Variants in ARID1B observed in about 807,000 individuals in gnomAD.
ARID1B encodes AT-rich interaction domain 1B, also known as AT-rich interactive domain-containing protein 1B.
ARID1B carries 30 observed loss-of-function variants against 212.3 expected under a neutral mutation model. That is an observed-to-expected ratio of 0.14 (90% CI 0.11 to 0.19). ARID1B has a LOEUF of 0.19. Ranked by LOEUF, ARID1B falls within the 10% of genes least tolerant of loss-of-function variation. The pLI is 1.00. For missense variants in ARID1B, 2,891 were observed against 3,204.0 expected, an observed-to-expected ratio of 0.90 and a Z score of 2.36; for synonymous variants, 1,402 against 1,301.7, an observed-to-expected ratio of 1.08 and a Z score of -1.66.
At chr6:156,780,886 A>C (rs543956533) in intron 1 of ARID1B, among the ~76,000 whole-genome samples, 1 of 152,382 alleles carries the variant, frequency 6.6e-6, no homozygotes, top group Non-Finnish European at 1.5e-5. Flanking sequence ...CACGAATTTT[A>C]CCAATTTTTG....
At chr6:157,079,952 T>C (rs898128753) in intron 4 of ARID1B, among the ~76,000 whole-genome samples, 4 of 152,216 alleles carry the variant, frequency 2.6e-5, no homozygotes, top group African/African-American at 9.6e-5. Flanking sequence ...AAGAGACTTT[T>C]TTTGAAGACC....
intron 5 of ARID1B, among the ~76,000 whole-genome samples, chr6:157,093,819 A>G (rs936535728): frequency 1.3e-5 from 2 of 152,232 alleles, no homozygotes; most frequent in Non-Finnish European, 2.9e-5. Flanking sequence ...AAAGCCAACT[A>G]TCCTAATTGT....
chr6:156,992,630 C>G (rs918941471), intron 4 of ARID1B, among the ~76,000 whole-genome samples: 1 of 152,212 alleles, frequency 6.6e-6, no homozygotes, highest in Non-Finnish European at 1.5e-5. Flanking sequence ...GAACGGCCTC[C>G]CATCTGTGGG....
intron 1 of ARID1B, among the ~76,000 whole-genome samples, chr6:156,818,252 C>T (rs1219321037): frequency 6.6e-6 from 1 of 151,926 alleles, no homozygotes; most frequent in Non-Finnish European, 1.5e-5. Context: ...CTAATAGGGT[C>T]ATATCTCTGA....
intron 4 of ARID1B, among the ~76,000 whole-genome samples, chr6:156,965,945 G>T (rs1197705049): frequency 6.6e-6 from 1 of 152,150 alleles, no homozygotes; most frequent in Admixed American, 6.5e-5. Context: ...TATTATTTGT[G>T]TATTTACATA....
chr6:156,904,281 A>T (rs1789184055), intron 3 of ARID1B, among the ~76,000 whole-genome samples: 1 of 152,190 alleles, frequency 6.6e-6, no homozygotes, highest in South Asian at 2.1e-4. Flanking sequence ...TCACTTAAAT[A>T]TATTTTCTAG....
At chr6:157,123,126 C>G (rs974243171) in intron 6 of ARID1B, among the ~76,000 whole-genome samples, 1 of 151,724 alleles carries the variant, frequency 6.6e-6, no homozygotes, top group Non-Finnish European at 1.5e-5. Context: ...AAGTCAGGGC[C>G]CTTCTCCTCA....
intron 7 of ARID1B, among the ~76,000 whole-genome samples, chr6:157,137,025 A>T (rs1408918696): frequency 2.0e-5 from 3 of 152,066 alleles, no homozygotes; most frequent in East Asian, 3.9e-4. Context: ...AAAAAGATAT[A>T]AAAAAATTAG....
chr6:157,019,757 C>A (rs1008677034), intron 4 of ARID1B, among the ~76,000 whole-genome samples: 1 of 152,206 alleles, frequency 6.6e-6, no homozygotes, highest in East Asian at 1.9e-4. Context: ...AATCCATGTT[C>A]TTTAGTCTCC....
intron 2 of ARID1B, among the ~76,000 whole-genome samples, chr6:156,830,180 T>C (rs1165937252): frequency 1.3e-5 from 2 of 152,150 alleles, no homozygotes; most frequent in East Asian, 3.8e-4. Flanking sequence ...AAAGACTAAA[T>C]TAGATTCAAA....
rs192960709 is a variant in ARID1B, at chr6:157,210,173, A to G, written c.*2282A>G. On this transcript the variant is annotated 3_prime_UTR_variant, in exon 20 of 20. Coordinates refer to ENST00000636930, the MANE Select transcript of ARID1B (RefSeq NM_001374828.1). The stretch of plus-strand genomic sequence containing the variant: ...AGTCAAACAGTCTTCTTACATAACA[A>G]TGCAACCAAATATATGTTGAATTAA... 2 of 232,078 alleles carry G rather than the reference A, an allele frequency of 8.6e-6. No individual in the cohort carries two copies. The highest frequency in any genetic ancestry group is 4.4e-5 in the African/African-American group (2 of 45,408). The allele number at this position is 232,078 out of a possible 1,614,324, so 14.4% of individuals were successfully genotyped here. A position where few individuals can be genotyped will look rare whatever the true frequency, so the allele number is the denominator to read the frequency against.
At chr6:157,046,428 GACT>G (rs1326796151) in intron 4 of ARID1B, among the ~76,000 whole-genome samples, 1 of 152,156 alleles carries the variant, frequency 6.6e-6, no homozygotes, top group Non-Finnish European at 1.5e-5. Context: ...TTATAATTAA[GACT>G]ACTTGACTGG....
chr6:156,942,648 T>A (rs898374109), intron 4 of ARID1B: 4 of 152,008 alleles, frequency 2.6e-5, no homozygotes, highest in African/African-American at 9.7e-5. Flanking sequence ...GACTCTAATG[T>A]TCTGAGGTCC....
chr6:156,890,322 T>C (rs541923278), intron 2 of ARID1B, among the ~76,000 whole-genome samples: 66 of 152,360 alleles, frequency 4.3e-4, no homozygotes, highest in African/African-American at 1.3e-3. Flanking sequence ...TGTATGTGTA[T>C]GTCTTTATAA....
intron 4 of ARID1B, among the ~76,000 whole-genome samples, chr6:157,046,053 TCAGA>T (rs1465192234): frequency 1.2e-4 from 18 of 152,308 alleles, no homozygotes; most frequent in Admixed American, 5.2e-4. Flanking sequence ...TGCTGGTAGT[TCAGA>T]CAGTTACATG....
intron 5 of ARID1B, among the ~76,000 whole-genome samples, chr6:157,109,595 C>T (rs1786748223): frequency 6.6e-6 from 1 of 152,152 alleles, no homozygotes; most frequent in South Asian, 2.1e-4. Flanking sequence ...TGCATTTAAA[C>T]CTCTCAGCCA....
chr6:157,163,734 G>A (rs987065556), intron 8 of ARID1B, among the ~76,000 whole-genome samples: 2 of 152,204 alleles, frequency 1.3e-5, no homozygotes, highest in South Asian at 2.1e-4. Context: ...CAGGACTCCC[G>A]GAGAGTTTAC....
Position 157,206,333 on chromosome 6 carries a change from A to G in ARID1B, c.5561A>G (p.Glu1854Gly), listed in dbSNP as rs1794448720. 2 of 1,614,076 alleles carry G rather than the reference A, an allele frequency of 1.2e-6. No individual in the cohort carries two copies. Among genetic ancestry groups the G allele is most frequent in the South Asian group, 1.1e-5 (1 of 91,072 alleles). Residue 1854 changes from glutamate (E) to glycine (G), a missense_variant, in exon 20 of 20, where the codon GAG becomes GGG. Around this residue, in one of 7 missense-constraint regions of ARID1B, gnomAD observed 332 missense variants for 369.2 expected, o/e 0.90. Transcript: ENST00000636930. This position sits in a 1 kb window ranked among gnomAD's most constrained non-coding sequence, Gnocchi z 6.8. ...TCCTTGGCAGACGATTCTGGGAAAGAGGAGGAAGATGCTGAATGTATTGAT... is the reference window on the plus strand; with the variant it reads ...TCCTTGGCAGACGATTCTGGGAAAGGGGAGGAAGATGCTGAATGTATTGAT... The part of the protein sequence containing the change: ...SQSLADDSGK[E>G]EEDAECIDDD...
chr6:156,930,575 A>T (rs1791614214), intron 3 of ARID1B, among the ~76,000 whole-genome samples: 1 of 152,214 alleles, frequency 6.6e-6, no homozygotes, highest in African/African-American at 2.4e-5. Context: ...AGAGATTTTC[A>T]TGTGAAGATA....
Sources: gnomAD v4.1 joint callset for allele counts (sites outside exome capture counted in the v4.1 genomes callset) on GRCh38, gnomAD v4.1.1 for gene constraint, gnomAD v4.1.1 regional missense constraint, Gnocchi (gnomAD v3.1) non-coding constraint, MANE v1.5 for transcripts, NCBI Gene and HGNC (gene_info 2026-07-23, HGNC 2026-07-21) for gene names.